FAM222B: variants seen among roughly 807,000 people sequenced by gnomAD.
The protein encoded by FAM222B is protein FAM222B.
In FAM222B, 12 loss-of-function variants were observed where a neutral mutation model predicts 38.0. The observed-to-expected ratio is 0.32, with a 90% CI of 0.20 to 0.51. The LOEUF is 0.51. FAM222B is among the 20% of genes least tolerant of loss of function. The probability of loss-of-function intolerance (pLI) is 0.97; values close to 1 mark genes in which losing one functional copy is unlikely to be tolerated. For missense variants in FAM222B, 716 were observed against 754.2 expected (o/e 0.95, Z 0.59); for synonymous variants, 329 against 317.2 (o/e 1.04, Z -0.40).
At chr17:28,826,667 G>A (rs990355028) in intron 1 of FAM222B, among the ~76,000 whole-genome samples, 2 of 133,658 alleles carry the variant, frequency 1.5e-5, no homozygotes, top group African/African-American at 5.7e-5. Context: ...GGCAACAAGA[G>A]CAGAACTCCG....
At chr17:28,788,114 G>A (rs1358874369) in intron 1 of FAM222B, among the ~76,000 whole-genome samples, 3 of 152,142 alleles carry the variant, frequency 2.0e-5, no homozygotes, top group South Asian at 2.1e-4. Flanking sequence ...GTGAGCCACC[G>A]CACCCAGCCT....
At chr17:28,783,879 A>G (rs2036273733) in intron 1 of FAM222B, among the ~76,000 whole-genome samples, 1 of 151,612 alleles carries the variant, frequency 6.6e-6, no homozygotes, top group South Asian at 2.1e-4. Flanking sequence ...GCTCACTGCA[A>G]CCTCTTCCTC....
At chr17:28,786,926 A>G (rs2036440213) in intron 1 of FAM222B, among the ~76,000 whole-genome samples, 1 of 120,942 alleles carries the variant, frequency 8.3e-6, no homozygotes, top group African/African-American at 3.4e-5. Context: ...TTTTTTTGAG[A>G]CAGAGTCTCG....
intron 1 of FAM222B, among the ~76,000 whole-genome samples, chr17:28,791,340 T>C (rs1567839966): frequency 6.6e-6 from 1 of 152,136 alleles, no homozygotes; most frequent in Non-Finnish European, 1.5e-5. Flanking sequence ...TCTAAATTGG[T>C]GAGTGTGCCA....
chr17:28,772,572 A>AC (rs2035686172), intron 1 of FAM222B, among the ~76,000 whole-genome samples: 1 of 98,572 alleles, frequency 1.0e-5, no homozygotes, highest in Admixed American at 9.9e-5. Context: ...AAAAAAAAAT[A>AC]CAAAAAAAAA....
chr17:28,829,256 C>A (rs997209864), intron 1 of FAM222B, among the ~76,000 whole-genome samples: 2 of 144,468 alleles, frequency 1.4e-5, no homozygotes, highest in African/African-American at 5.2e-5. Context: ...CTCTTGTTGC[C>A]TCAGCTGGAG....
At chr17:28,769,211 GCT>G (rs1438007552) in intron 1 of FAM222B, among the ~76,000 whole-genome samples, 2 of 93,378 alleles carry the variant, frequency 2.1e-5, no homozygotes, top group Non-Finnish European at 3.9e-5. Flanking sequence ...ATGGAGTCTT[GCT>G]CTGTTCCCCA....
chr17:28,793,722 T>C (rs2036805931), intron 1 of FAM222B, among the ~76,000 whole-genome samples: 1 of 151,700 alleles, frequency 6.6e-6, no homozygotes, highest in Non-Finnish European at 1.5e-5. Flanking sequence ...TGCATTGTCA[T>C]ATTCTGCCAT....
intron 2 of FAM222B, among the ~76,000 whole-genome samples, chr17:28,764,107 G>A (rs1158838275): frequency 1.3e-5 from 2 of 152,052 alleles, no homozygotes; most frequent in East Asian, 1.9e-4. Flanking sequence ...CAGAGCAGAG[G>A]TTTAGGATTA....
intron 1 of FAM222B, among the ~76,000 whole-genome samples, chr17:28,795,107 A>C (rs933406384): frequency 4.0e-5 from 6 of 151,188 alleles, no homozygotes; most frequent in African/African-American, 1.2e-4. Flanking sequence ...AAAAAAAAAA[A>C]CCCTAAAATT....
chr17:28,795,300 G>A (rs556078001), intron 1 of FAM222B, among the ~76,000 whole-genome samples: 9 of 151,992 alleles, frequency 5.9e-5, no homozygotes, highest in South Asian at 2.1e-4. Flanking sequence ...ACATGCCATC[G>A]TGCCCAGTTA....
chr17:28,825,077 T>A (rs925394174), intron 1 of FAM222B, among the ~76,000 whole-genome samples: 5 of 151,548 alleles, frequency 3.3e-5, no homozygotes, highest in African/African-American at 1.2e-4. Context: ...AATCCATTTC[T>A]AACATAGCAA....
chr17:28,798,478 CCTCA>C (rs1567851288), intron 1 of FAM222B, among the ~76,000 whole-genome samples: 4 of 152,270 alleles, frequency 2.6e-5, no homozygotes, highest in African/African-American at 9.6e-5. Context: ...TCAGAGCAAT[CCTCA>C]CTAAGAAACT....
At chr17:28,807,449 G>A (rs937580162) in intron 1 of FAM222B, among the ~76,000 whole-genome samples, 1 of 151,750 alleles carries the variant, frequency 6.6e-6, no homozygotes, top group African/African-American at 2.4e-5. Flanking sequence ...GCAGTCCAAC[G>A]ATCTCAGCTC....
chr17:28,822,123 G>C (rs568043843), intron 1 of FAM222B, among the ~76,000 whole-genome samples: 54 of 150,264 alleles, frequency 3.6e-4, no homozygotes, highest in South Asian at 6.4e-4. Flanking sequence ...CTGGGTTCAA[G>C]CGATTCTCCT....
Position 28,756,636 on chromosome 17 carries a change from G to T in FAM222B, c.*1634C>A, listed in dbSNP as rs1341964538. 1 of 152,598 alleles carries T rather than the reference G, an allele frequency of 6.6e-6. No individual in the cohort carries two copies. Among genetic ancestry groups the T allele is most frequent in the Non-Finnish European group, 1.5e-5 (1 of 68,062 alleles). The allele number at this position is 152,598 out of a possible 1,614,324, so 9.5% of individuals were successfully genotyped here. On this transcript the variant is annotated 3_prime_UTR_variant, in exon 3 of 3. Transcript: ENST00000581407. ...GGTGCTCCTGGGGGATCAGGACAGG[G>T]AGGTACCAGTGTTCACAGACGGCAG...
At chr17:28,811,364 C>T (rs1327026996) in intron 1 of FAM222B, among the ~76,000 whole-genome samples, 1 of 152,128 alleles carries the variant, frequency 6.6e-6, no homozygotes, top group Admixed American at 6.6e-5. Context: ...CGCTTGAACC[C>T]TGGAGGCAGA....
At chr17:28,798,457 A>C (rs2037046668) in intron 1 of FAM222B, among the ~76,000 whole-genome samples, 1 of 152,294 alleles carries the variant, frequency 6.6e-6, no homozygotes, top group African/African-American at 2.4e-5. Flanking sequence ...TAATAATTTT[A>C]AACAGCATAG....
chr17:28,795,728 C>T (rs531391429), intron 1 of FAM222B, among the ~76,000 whole-genome samples: 43 of 152,296 alleles, frequency 2.8e-4, no homozygotes, highest in Non-Finnish European at 5.6e-4. Context: ...AGCCAATGTC[C>T]TACAGACTTT....
Sources: gnomAD v4.1 joint callset for allele counts (sites outside exome capture counted in the v4.1 genomes callset) on GRCh38, gnomAD v4.1.1 for gene constraint, MANE v1.5 for transcripts, NCBI Gene and HGNC (gene_info 2026-07-23, HGNC 2026-07-21) for gene names.